EYS: variants seen among roughly 807,000 people sequenced by gnomAD.
EYS encodes the protein EGF-like photoreceptor maintenance factor, also known as protein eyes shut homolog.
In EYS, 250 loss-of-function variants were observed where a neutral mutation model predicts 282.1. That is an observed-to-expected ratio of 0.89 (90% CI 0.80 to 0.98). The LOEUF is 0.98. Ranked by LOEUF, EYS falls within the 50% of genes least tolerant of loss-of-function variation. EYS has a pLI of 0.00. For synonymous variants in EYS, 1,355 were observed against 1,282.9 expected (o/e 1.06, Z -1.20); for missense variants, 4,016 against 3,709.0 (o/e 1.08, Z -2.15).
intron 5 of EYS, among the ~76,000 whole-genome samples, chr6:65,413,523 G>A (rs905628525): frequency 6.6e-6 from 1 of 152,096 alleles, no homozygotes; most frequent in African/African-American, 2.4e-5. Context: ...GAATATCTAA[G>A]ATTTATAGAA....
intron 31 of EYS, among the ~76,000 whole-genome samples, chr6:64,151,584 T>TC (rs897520561): frequency 6.6e-6 from 1 of 151,426 alleles, no homozygotes; most frequent in African/African-American, 2.4e-5. Context: ...ATGGTCTCGA[T>TC]CTCCTGACCT....
In EYS at chr6:63,721,200, A is replaced by G. The variant is rs1554163911; in HGVS notation, c.8831T>C (p.Val2944Ala). 2.6e-6 allele frequency: 4 copies of G among 1,551,712 alleles called. No homozygotes were observed. In the South Asian group the frequency reaches 4.8e-5, roughly 18 times the overall value. Reference sequence around the variant, plus strand: ...AGTTTTGTTTTCACAATACCTTCCCACCCAACCCAAAGTACACAGGCAACT... The same window carrying G: ...AGTTTTGTTTTCACAATACCTTCCCGCCCAACCCAAAGTACACAGGCAACT... ...SYSCLCTLGW[V>A]GRYCENKTSF... The change falls in exon 43 of 43, where the codon GTG becomes GCG. Residue 2944 changes from valine (V) to alanine (A), a missense_variant. Transcript: ENST00000503581.
chr6:65,183,544 T>C (rs897405947), intron 12 of EYS, among the ~76,000 whole-genome samples: 1 of 151,946 alleles, frequency 6.6e-6, no homozygotes, highest in Non-Finnish European at 1.5e-5. Flanking sequence ...ATACAGTATG[T>C]TCTCCACTCA....
At chr6:64,326,501 T>C (rs1456234296) in intron 29 of EYS, among the ~76,000 whole-genome samples, 1 of 152,204 alleles carries the variant, frequency 6.6e-6, no homozygotes, top group East Asian at 1.9e-4. Flanking sequence ...AAAAGCCTTT[T>C]GTTTGGGGCT....
intron 26 of EYS, among the ~76,000 whole-genome samples, chr6:64,441,603 C>A (rs1208357701): frequency 6.6e-6 from 1 of 152,074 alleles, no homozygotes; most frequent in Non-Finnish European, 1.5e-5. Context: ...GTGTCCCCAC[C>A]CAAATCTCAT....
chr6:65,683,183 CA>C (rs1768895309), intron 1 of EYS, among the ~76,000 whole-genome samples: 1 of 151,904 alleles, frequency 6.6e-6, no homozygotes, highest in Non-Finnish European at 1.5e-5. Flanking sequence ...TAAAAATTGC[CA>C]AATTGTTTCT....
At chr6:64,925,945 T>A (rs2150084309) in intron 15 of EYS, among the ~76,000 whole-genome samples, 1 of 152,172 alleles carries the variant, frequency 6.6e-6, no homozygotes, top group South Asian at 2.1e-4. Context: ...AGCAGAATAA[T>A]CATTGCTGGG....
intron 31 of EYS, among the ~76,000 whole-genome samples, chr6:64,152,893 C>T (rs143353720): frequency 3.8e-4 from 58 of 152,150 alleles, no homozygotes; most frequent in African/African-American, 1.4e-3. Flanking sequence ...ACAAAGGTAA[C>T]AATAAAACCC....
At chr6:65,285,124 C>G (rs1768325149) in intron 12 of EYS, among the ~76,000 whole-genome samples, 1 of 151,752 alleles carries the variant, frequency 6.6e-6, no homozygotes, top group Non-Finnish European at 1.5e-5. Context: ...GTATCTTTTA[C>G]AAAATTGAGA....
intron 22 of EYS, among the ~76,000 whole-genome samples, chr6:64,790,228 G>A (rs1774148726): frequency 6.6e-6 from 1 of 151,810 alleles, no homozygotes; most frequent in South Asian, 2.1e-4. Flanking sequence ...AAGAGAATAA[G>A]GTCTTTAAAT....
At chr6:63,804,490 C>T (rs1316871378) in intron 37 of EYS, among the ~76,000 whole-genome samples, 1 of 152,210 alleles carries the variant, frequency 6.6e-6, no homozygotes, top group Non-Finnish European at 1.5e-5. Flanking sequence ...ATGTCTACAT[C>T]ACCAGTCTCT....
At chr6:64,504,197 T>C (rs919744511) in intron 26 of EYS, among the ~76,000 whole-genome samples, 1 of 152,210 alleles carries the variant, frequency 6.6e-6, no homozygotes, top group African/African-American at 2.4e-5. Flanking sequence ...TGATTAGATC[T>C]CTGAAATGGT....
intron 27 of EYS, among the ~76,000 whole-genome samples, chr6:64,437,453 G>T (rs564173743): frequency 4.3e-4 from 65 of 151,704 alleles, no homozygotes; most frequent in African/African-American, 1.5e-3. Flanking sequence ...GTAATAATTT[G>T]TCAATCTCCA....
chr6:64,349,477 C>A (rs979121126), intron 29 of EYS, among the ~76,000 whole-genome samples: 1 of 150,994 alleles, frequency 6.6e-6, no homozygotes, highest in Non-Finnish European at 1.5e-5. Context: ...TTGTTTTCAG[C>A]CTGAACAATT....
At chr6:64,548,068 T>C (rs1764939816) in intron 26 of EYS, among the ~76,000 whole-genome samples, 1 of 152,110 alleles carries the variant, frequency 6.6e-6, no homozygotes, top group South Asian at 2.1e-4. Context: ...TGGAAGCTGA[T>C]AGAGCCGGCT....
chr6:63,942,289 G>A (rs1460223539), intron 35 of EYS, among the ~76,000 whole-genome samples: 1 of 152,082 alleles, frequency 6.6e-6, no homozygotes, highest in Non-Finnish European at 1.5e-5. Context: ...AATTCCTGCT[G>A]GAAACAACTG....
chr6:64,831,842 C>A (rs1431624393), intron 19 of EYS, among the ~76,000 whole-genome samples: 4 of 151,732 alleles, frequency 2.6e-5, no homozygotes. Flanking sequence ...CTAAGACAAG[C>A]AAAAACAATA....
chr6:65,443,422 G>GTA (rs1562186709), intron 5 of EYS, among the ~76,000 whole-genome samples: 1 of 115,188 alleles, frequency 8.7e-6, no homozygotes, highest in African/African-American at 2.8e-5. Flanking sequence ...AGCCATATAT[G>GTA]TACATATATG....
intron 12 of EYS, among the ~76,000 whole-genome samples, chr6:65,266,280 A>C (rs1321275356): frequency 6.6e-6 from 1 of 151,900 alleles, no homozygotes; most frequent in Non-Finnish European, 1.5e-5. Flanking sequence ...GGGACCATAC[A>C]GACTTTAAGG....
Sources: gnomAD v4.1 joint callset for allele counts (sites outside exome capture counted in the v4.1 genomes callset) on GRCh38, gnomAD v4.1.1 for gene constraint, MANE v1.5 for transcripts, NCBI Gene and HGNC (gene_info 2026-07-23, HGNC 2026-07-21) for gene names.